Variants in NHSL3 observed in about 807,000 individuals in gnomAD.
NHSL3 encodes NHS-like protein 3.
chr1:32,768,540 A>G, the NHSL3 span: 1 of 1,334,546 alleles, frequency 7.5e-7, no homozygotes, highest in South Asian at 1.3e-5. Context: ...GGTTGTGGTG[A>G]GCCAAGATTT....
chr1:32,755,602 C>T, the NHSL3 span, among the ~76,000 whole-genome samples: 1 of 152,156 alleles, frequency 6.6e-6, no homozygotes, highest in Non-Finnish European at 1.5e-5. Context: ...TCTTGGGACA[C>T]TTACTGTTCT....
At chr1:32,771,469 C>T in the NHSL3 span, 7 of 1,587,914 alleles carry the variant, frequency 4.4e-6, no homozygotes, top group South Asian at 5.7e-5. Flanking sequence ...TGAGGAGCCC[C>T]TCCAAGATCC....
the NHSL3 span, among the ~76,000 whole-genome samples, chr1:32,763,680 TC>T: frequency 1.5e-4 from 23 of 152,102 alleles, no homozygotes; most frequent in African/African-American, 5.3e-4. Context: ...CAAGCGATTC[TC>T]CTGCCTCAGC....
At chr1:32,768,238 C>T in the NHSL3 span, 5,735 of 773,794 alleles carry the variant, frequency 7.4e-3, 227 homozygotes, top group African/African-American at 0.087. Flanking sequence ...TAAATGAACC[C>T]TGAGGGCTAG....
At chr1:32,760,591 T>G in the NHSL3 span, among the ~76,000 whole-genome samples, 1 of 107,580 alleles carries the variant, frequency 9.3e-6, no homozygotes, top group Non-Finnish European at 2.3e-5. Flanking sequence ...TGTGTGTGTT[T>G]TTTTTTTTTT....
chr1:32,751,195 C>T, the NHSL3 span, among the ~76,000 whole-genome samples: 1 of 152,210 alleles, frequency 6.6e-6, no homozygotes, highest in Non-Finnish European at 1.5e-5. Flanking sequence ...GCCTTCCATA[C>T]CACCTACTTC....
chr1:32,747,742 C>A, the NHSL3 span, among the ~76,000 whole-genome samples: 1 of 151,962 alleles, frequency 6.6e-6, no homozygotes, highest in Non-Finnish European at 1.5e-5. Flanking sequence ...ACAGGTGGAT[C>A]ACTTGAGGTC....
At chr1:32,764,818 G>A in the NHSL3 span, among the ~76,000 whole-genome samples, 1 of 152,192 alleles carries the variant, frequency 6.6e-6, no homozygotes, top group East Asian at 1.9e-4. Flanking sequence ...CGTGACTTGT[G>A]TGATGGAGCT....
the NHSL3 span, chr1:32,767,805 A>G: frequency 6.2e-7 from 1 of 1,611,342 alleles, no homozygotes; most frequent in Non-Finnish European, 8.5e-7. Context: ...AAGGCTGAGA[A>G]TGACAAACAT....
the NHSL3 span, among the ~76,000 whole-genome samples, chr1:32,743,356 C>T: frequency 2.6e-5 from 4 of 152,146 alleles, no homozygotes; most frequent in Non-Finnish European, 5.9e-5. Context: ...TGATTGTATC[C>T]GGCTTGATCT....
chr1:32,745,043 T>C, the NHSL3 span, among the ~76,000 whole-genome samples: 1 of 151,340 alleles, frequency 6.6e-6, no homozygotes, highest in Non-Finnish European at 1.5e-5. Context: ...AGAGAATTGC[T>C]TGAACTCGGG....
chr1:32,773,803 G>A, the NHSL3 span: 1 of 152,840 alleles, frequency 6.5e-6, no homozygotes, highest in Non-Finnish European at 1.5e-5. Flanking sequence ...TCTGGAGGGG[G>A]GGAGCTTCCT....
At chr1:32,757,849 T>TAAG in the NHSL3 span, among the ~76,000 whole-genome samples, 39 of 151,974 alleles carry the variant, frequency 2.6e-4, no homozygotes, top group Non-Finnish European at 5.9e-5. Context: ...AAGGGTGTCA[T>TAAG]CTTATGACAC....
the NHSL3 span, among the ~76,000 whole-genome samples, chr1:32,751,543 T>G: frequency 6.6e-6 from 1 of 152,132 alleles, no homozygotes; most frequent in South Asian, 2.1e-4. Context: ...TCTGGGATGG[T>G]GAACACGGGG....
At chr1:32,753,770 G>A in the NHSL3 span, among the ~76,000 whole-genome samples, 1 of 152,230 alleles carries the variant, frequency 6.6e-6, no homozygotes, top group Admixed American at 6.5e-5. Flanking sequence ...TAGCCTCTGG[G>A]CTGAGAGAGT....
chr1:32,767,272 T>A, the NHSL3 span, among the ~76,000 whole-genome samples: 4 of 152,196 alleles, frequency 2.6e-5, no homozygotes, highest in Non-Finnish European at 5.9e-5. Context: ...GGGCTATGTG[T>A]ATACTCGGGA....
chr1:32,772,459 A>AG, the NHSL3 span: 10 of 1,513,558 alleles, frequency 6.6e-6, no homozygotes, highest in Non-Finnish European at 8.8e-6. Flanking sequence ...GGGCAGTGCT[A>AG]GGGTGAGGTC....
chr1:32,767,939 C>T, the NHSL3 span: 21 of 1,613,854 alleles, frequency 1.3e-5, no homozygotes, highest in African/African-American at 2.7e-5. Context: ...GGAGGGGCTC[C>T]GCTCCCTACA....
chr1:32,747,683 C>G, the NHSL3 span, among the ~76,000 whole-genome samples: 2 of 151,480 alleles, frequency 1.3e-5, no homozygotes, highest in African/African-American at 4.8e-5. Flanking sequence ...AGTAAGGTGG[C>G]TGGGCGTGGT....
Sources: allele counts gnomAD v4.1 joint callset (sites outside exome capture counted in the v4.1 genomes callset), GRCh38; gene constraint gnomAD v4.1.1; transcripts MANE v1.5; gene names NCBI Gene and HGNC (gene_info 2026-07-23, HGNC 2026-07-21).